The following EMP2 variants were observed in gnomAD, a reference collection of about 807,000 sequenced individuals.
EMP2 encodes the protein epithelial membrane protein 2.
Under a neutral mutation model 13.7 loss-of-function variants are expected in EMP2, and 19 were observed. The ratio of observed to expected loss-of-function variants is 1.38; its 90% CI spans 0.97 to 2.03. The LOEUF is 2.03. Ranked by LOEUF, EMP2 falls within the 30% of genes most tolerant of loss-of-function variation. The probability of loss-of-function intolerance (pLI) is 0.00; values close to 1 mark genes in which losing one functional copy is unlikely to be tolerated. For synonymous variants in EMP2, 97 were observed against 84.7 expected (o/e 1.15, Z -0.80); for missense variants, 253 against 220.7 (o/e 1.15, Z -0.93).
chr16:10,550,152 C>T (rs1161038968), intron 1 of EMP2, among the ~76,000 whole-genome samples: 1 of 152,128 alleles, frequency 6.6e-6, no homozygotes, highest in Admixed American at 6.5e-5. Flanking sequence ...TCCCAAAGTG[C>T]TGGGATTACA....
In EMP2 at chr16:10,547,324, C is replaced by A. The variant is rs2050747325; in HGVS notation, c.78+216G>T. ...CAGTTCCCCTGCACACGCTCTCTTG[C>A]CTGCCACCATGTAAGATGTGGCTTT... On this transcript the variant is annotated intron_variant, in intron 2 of 4. Coordinates refer to ENST00000359543, the MANE Select transcript of EMP2 (RefSeq NM_001424.6). 4 of 530,462 alleles carry A rather than the reference C, an allele frequency of 7.5e-6. No homozygotes were observed. The East Asian group carries it at 9.6e-5, about 13-fold the overall frequency. 32.9% of individuals were successfully genotyped at this position (530,462 alleles called of 1,614,324 possible). A position where few individuals can be genotyped will look rare whatever the true frequency, so the allele number is the denominator to read the frequency against.
chr16:10,539,494 G>A (rs1056892274), intron 3 of EMP2, among the ~76,000 whole-genome samples: 3 of 152,154 alleles, frequency 2.0e-5, no homozygotes, highest in African/African-American at 4.8e-5. Context: ...CCAGGAACAG[G>A]TGGAAGTGAG....
At chr16:10,556,842 T>C (rs1348825965) in intron 1 of EMP2, among the ~76,000 whole-genome samples, 1 of 152,238 alleles carries the variant, frequency 6.6e-6, no homozygotes, top group Non-Finnish European at 1.5e-5. Flanking sequence ...AGGGCATTTT[T>C]ATACGACTCT....
intron 1 of EMP2, chr16:10,578,222 C>T (rs1402652775): frequency 6.6e-6 from 1 of 152,134 alleles, no homozygotes; most frequent in Non-Finnish European, 1.5e-5. Flanking sequence ...CACTCTATGC[C>T]TAGGGTGAAA....
intron 1 of EMP2, among the ~76,000 whole-genome samples, chr16:10,579,738 A>C (rs1110213): frequency 1.9e-4 from 27 of 145,202 alleles, no homozygotes; most frequent in Admixed American, 1.5e-3. Context: ...ACACACACAC[A>C]CCCTCAAAGC....
At chr16:10,538,887 C>A (rs2050671629) in intron 3 of EMP2, among the ~76,000 whole-genome samples, 1 of 152,168 alleles carries the variant, frequency 6.6e-6, no homozygotes, top group South Asian at 2.1e-4. Flanking sequence ...ACAACCGTAG[C>A]TCACTGCAGC....
rs546161373 is a variant in EMP2 at position 10,531,816 on chromosome 16, G to T, written c.*1089C>A. The T allele has an allele frequency of 6.5e-6, 1 of 154,946 alleles. No individual in the cohort carries two copies. The highest frequency in any genetic ancestry group is 1.9e-4 in the East Asian group (1 of 5,184). The allele number at this position is 154,946 out of a possible 1,614,324, so 9.6% of individuals were successfully genotyped here. A position where few individuals can be genotyped will look rare whatever the true frequency, so the allele number is the denominator to read the frequency against. ...GGTGGATGGGTCCTCTGAGGCTCTA[G>T]AAATAGGGGTGAGAGGCCAGCCAGG... On this transcript the variant is annotated 3_prime_UTR_variant, in exon 5 of 5. Coordinates refer to ENST00000359543, the MANE Select transcript of EMP2 (RefSeq NM_001424.6).
intron 1 of EMP2, among the ~76,000 whole-genome samples, chr16:10,578,344 A>C (rs2050998878): frequency 6.6e-6 from 1 of 152,220 alleles, no homozygotes; most frequent in African/African-American, 2.4e-5. Context: ...TGAGAGGCAG[A>C]GAAAAGATAC....
intron 1 of EMP2, among the ~76,000 whole-genome samples, chr16:10,571,863 T>A (rs1236683070): frequency 1.3e-5 from 2 of 152,170 alleles, no homozygotes; most frequent in African/African-American, 4.8e-5. Flanking sequence ...TGGGCGGTAG[T>A]GGTGTATACT....
At chr16:10,560,732 C>G (rs1042451838) in intron 1 of EMP2, among the ~76,000 whole-genome samples, 1 of 152,208 alleles carries the variant, frequency 6.6e-6, no homozygotes, top group Non-Finnish European at 1.5e-5. Flanking sequence ...GAAGAAGCGA[C>G]ACCTGAGCTG....
Position 10,547,537 on chromosome 16 carries a change from T to G in EMP2, c.78+3A>C, listed in dbSNP as rs780582992. 4.9e-5 allele frequency: 79 copies of G among 1,613,868 alleles called. No individual in the cohort carries two copies. Among genetic ancestry groups the G allele is most frequent in the Non-Finnish European group, 6.2e-5 (73 of 1,180,018 alleles). ...TGCGTGAGTGGCAGGAAAGGAAACT[T>G]ACATTGTCGACGGTGGCAATGAACA... On this transcript the variant is annotated splice_donor_region_variant and intron_variant, in intron 2 of 4. Transcript: ENST00000359543.
intron 1 of EMP2, among the ~76,000 whole-genome samples, chr16:10,577,365 C>T (rs1046811670): frequency 1.3e-5 from 2 of 152,120 alleles, no homozygotes; most frequent in Admixed American, 6.5e-5. Context: ...GTTACCAGCC[C>T]GGCACTCTCT....
chr16:10,549,847 T>A (rs2050770936), intron 1 of EMP2, among the ~76,000 whole-genome samples: 1 of 151,736 alleles, frequency 6.6e-6, no homozygotes, highest in African/African-American at 2.4e-5. Context: ...AAGGACATTT[T>A]CTTTCTTTTC....
intron 1 of EMP2, among the ~76,000 whole-genome samples, chr16:10,563,436 C>A (rs780464333): frequency 6.0e-4 from 92 of 152,348 alleles, no homozygotes; most frequent in Middle Eastern, 6.8e-3. Flanking sequence ...AAATGATCCA[C>A]CTGCCTTGGT....
In EMP2 at chr16:10,576,983, T is replaced by A. The variant is rs572130064; in HGVS notation, c.-61+3566A>T. Among the ~76,000 whole-genome samples the A allele has an allele frequency of 1.2e-4, 18 of 152,258 alleles. No individual in the cohort carries two copies. In the Middle Eastern group the frequency reaches 0.014, roughly 115 times the overall value. ...GGAGCTCTTGCTCACCATTGTCCCA[T>A]CAGCACGGGAGCACGGAAATCCAGC... On this transcript the variant is annotated intron_variant, in intron 1 of 4. Transcript: ENST00000359543.
At chr16:10,574,758 G>A (rs977913845) in intron 1 of EMP2, among the ~76,000 whole-genome samples, 5 of 151,600 alleles carry the variant, frequency 3.3e-5, no homozygotes, top group African/African-American at 1.2e-4. Flanking sequence ...CACCATGTTA[G>A]CCAGGATGGT....
intron 1 of EMP2, among the ~76,000 whole-genome samples, chr16:10,560,447 A>G (rs2050863215): frequency 6.6e-6 from 1 of 152,184 alleles, no homozygotes; most frequent in South Asian, 2.1e-4. Context: ...GTTTGTTCAC[A>G]TCATCCAATT....
intron 1 of EMP2, among the ~76,000 whole-genome samples, chr16:10,558,554 G>A (rs970922936): frequency 6.6e-6 from 1 of 152,096 alleles, no homozygotes; most frequent in South Asian, 2.1e-4. Context: ...CCTTCTGGAG[G>A]CTCACTGGCC....
chr16:10,562,469 T>C (rs1390270864), intron 1 of EMP2, among the ~76,000 whole-genome samples: 2 of 151,344 alleles, frequency 1.3e-5, no homozygotes, highest in Non-Finnish European at 2.9e-5. Context: ...AAGATGCCAC[T>C]TGGAAGACAG....
Sources: gnomAD v4.1 joint callset for allele counts (sites outside exome capture counted in the v4.1 genomes callset) on GRCh38, gnomAD v4.1.1 for gene constraint, MANE v1.5 for transcripts, NCBI Gene and HGNC (gene_info 2026-07-23, HGNC 2026-07-21) for gene names.